NFIA: variants seen among roughly 807,000 people sequenced by gnomAD.
NFIA encodes nuclear factor I A.
A neutral mutation model predicts 62.8 loss-of-function variants in NFIA; 8 were observed. The observed-to-expected ratio is 0.13, with a 90% CI of 0.07 to 0.23. The LOEUF is 0.23. Ranked by LOEUF, NFIA falls within the 10% of genes least tolerant of loss-of-function variation. The pLI is 1.00. For missense variants in NFIA, 410 were observed against 642.1 expected (o/e 0.64, Z 3.91); for synonymous variants, 235 against 238.1 (o/e 0.99, Z 0.12).
intron 2 of NFIA, among the ~76,000 whole-genome samples, chr1:61,196,789 T>C (rs992144638): frequency 1.3e-5 from 2 of 152,204 alleles, no homozygotes; most frequent in South Asian, 4.1e-4. Flanking sequence ...AAAAATTAAC[T>C]TGAAGTAGAA....
chr1:61,372,299 C>T (rs536065825), intron 6 of NFIA, among the ~76,000 whole-genome samples: 1 of 152,224 alleles, frequency 6.6e-6, no homozygotes, highest in South Asian at 2.1e-4. Context: ...CTCTGCCAAG[C>T]ATTTACCCTT....
At chr1:61,208,625 T>C (rs1279955530) in intron 2 of NFIA, among the ~76,000 whole-genome samples, 2 of 152,170 alleles carry the variant, frequency 1.3e-5, no homozygotes, top group Non-Finnish European at 2.9e-5. Flanking sequence ...GTCTGTACAA[T>C]AGGAATAATA....
intron 2 of NFIA, among the ~76,000 whole-genome samples, chr1:61,123,207 A>G (rs1483191032): frequency 6.6e-6 from 1 of 152,228 alleles, no homozygotes; most frequent in Non-Finnish European, 1.5e-5. Flanking sequence ...TACATAGGAC[A>G]GAGCCCACAG....
chr1:61,091,355 A>G (rs781633720), intron 2 of NFIA, among the ~76,000 whole-genome samples: 46 of 151,890 alleles, frequency 3.0e-4, no homozygotes, highest in Non-Finnish European at 4.3e-4. Flanking sequence ...TTTTTTTTTA[A>G]AGCGGAGGTG....
chr1:61,233,925 T>A (rs527500041), intron 2 of NFIA, among the ~76,000 whole-genome samples: 1 of 152,298 alleles, frequency 6.6e-6, no homozygotes, highest in South Asian at 2.1e-4. Flanking sequence ...CTTGGCATAA[T>A]TTATGATTTT....
chr1:61,123,030 A>G (rs909840691), intron 2 of NFIA, among the ~76,000 whole-genome samples: 6 of 152,210 alleles, frequency 3.9e-5, no homozygotes. Flanking sequence ...TGGGACTTCT[A>G]ACCCCTAATC....
intron 3 of NFIA, among the ~76,000 whole-genome samples, chr1:61,306,477 C>T (rs28473636): frequency 0.026 from 3,868 of 151,518 alleles, 192 homozygotes; most frequent in African/African-American, 0.086. Flanking sequence ...AGTTTTGCCA[C>T]GTTGGCCAGG....
At chr1:61,405,917 A>G (rs866788238) in intron 8 of NFIA, among the ~76,000 whole-genome samples, 1 of 152,146 alleles carries the variant, frequency 6.6e-6, no homozygotes, top group Non-Finnish European at 1.5e-5. Flanking sequence ...TAGAAGTGAT[A>G]TTTTTCCCTA....
At chr1:61,343,386 T>C (rs1662032868) in intron 4 of NFIA, among the ~76,000 whole-genome samples, 1 of 152,218 alleles carries the variant, frequency 6.6e-6, no homozygotes, top group Admixed American at 6.5e-5. Context: ...ATTCCTCTCT[T>C]CACCTCCCTT....
intron 2 of NFIA, among the ~76,000 whole-genome samples, chr1:61,220,337 C>T (rs144573424): frequency 1.4e-3 from 207 of 152,314 alleles, no homozygotes; most frequent in Admixed American, 3.9e-3. Context: ...ATGCCATCCC[C>T]TCCATTTGTG....
At chr1:61,320,489 TTATTTTA>T (rs1321140344) in intron 3 of NFIA, among the ~76,000 whole-genome samples, 1 of 152,230 alleles carries the variant, frequency 6.6e-6, no homozygotes, top group Non-Finnish European at 1.5e-5. Flanking sequence ...TTAGCTAGTT[TTATTTTA>T]TATTTGGAGA....
At chr1:61,306,192 T>C (rs1659776942) in intron 3 of NFIA, among the ~76,000 whole-genome samples, 1 of 151,358 alleles carries the variant, frequency 6.6e-6, no homozygotes, top group African/African-American at 2.4e-5. Flanking sequence ...GCCTTTTTGC[T>C]TCTCTCACTT....
At chr1:61,123,608 G>C (rs900800445) in intron 2 of NFIA, among the ~76,000 whole-genome samples, 1 of 152,090 alleles carries the variant, frequency 6.6e-6, no homozygotes, top group South Asian at 2.1e-4. Flanking sequence ...CGATGGAAAG[G>C]CTCCATATTC....
intron 3 of NFIA, among the ~76,000 whole-genome samples, chr1:61,320,790 G>A (rs1488520970): frequency 1.3e-5 from 2 of 152,156 alleles, no homozygotes; most frequent in East Asian, 1.9e-4. Flanking sequence ...GGGCCATTAC[G>A]ATTTTTTGCT....
chr1:61,197,169 G>A (rs1652076951), intron 2 of NFIA, among the ~76,000 whole-genome samples: 1 of 150,534 alleles, frequency 6.6e-6, no homozygotes, highest in African/African-American at 2.4e-5. Context: ...GTAATGGCTA[G>A]AAACTCAGAT....
At chr1:61,254,484 G>T (rs1371863814) in intron 2 of NFIA, among the ~76,000 whole-genome samples, 1 of 152,156 alleles carries the variant, frequency 6.6e-6, no homozygotes, top group Non-Finnish European at 1.5e-5. Context: ...GTTTAAAGGG[G>T]AAGAAATAGG....
chr1:61,275,229 T>C (rs1415154177), intron 2 of NFIA, among the ~76,000 whole-genome samples: 1 of 152,194 alleles, frequency 6.6e-6, no homozygotes, highest in Non-Finnish European at 1.5e-5. Context: ...GTTGGTTTGC[T>C]TATTTTTCTG....
chr1:61,135,246 T>A (rs1647161053), intron 2 of NFIA, among the ~76,000 whole-genome samples: 1 of 152,222 alleles, frequency 6.6e-6, no homozygotes, highest in Admixed American at 6.5e-5. Flanking sequence ...ATACAGCTAC[T>A]TTGATTTGGC....
At chr1:61,188,110 C>T (rs182653519) in intron 2 of NFIA, among the ~76,000 whole-genome samples, 71 of 151,998 alleles carry the variant, frequency 4.7e-4, no homozygotes, top group African/African-American at 1.6e-3. Flanking sequence ...TGTAGTGGTG[C>T]GATCTCGGCT....
Sources: allele counts gnomAD v4.1 joint callset (sites outside exome capture counted in the v4.1 genomes callset), GRCh38; gene constraint gnomAD v4.1.1; transcripts MANE v1.5; gene names NCBI Gene and HGNC (gene_info 2026-07-23, HGNC 2026-07-21).